Variants in UBE2D1 observed in about 807,000 individuals in gnomAD.
UBE2D1 encodes the protein ubiquitin conjugating enzyme E2 D1.
In UBE2D1, 9 loss-of-function variants were observed where a neutral mutation model predicts 24.6. The ratio of observed to expected loss-of-function variants is 0.37; its 90% CI spans 0.22 to 0.64. The LOEUF (loss-of-function observed/expected upper bound fraction) is 0.64, where lower values mean the gene tolerates loss of function less well. Among genes scored for constraint, UBE2D1 ranks in the 30% least tolerant of loss-of-function variants. UBE2D1 has a pLI of 0.64. For missense variants in UBE2D1, 87 were observed against 177.1 expected, an observed-to-expected ratio of 0.49 and a Z score of 2.89; for synonymous variants, 57 against 57.6, an observed-to-expected ratio of 0.99 and a Z score of 0.04.
intron 1 of UBE2D1, among the ~76,000 whole-genome samples, chr10:58,342,998 T>C (rs1242460193): frequency 7.9e-5 from 12 of 151,852 alleles, no homozygotes; most frequent in African/African-American, 2.9e-4. Flanking sequence ...CCCAGCTAAT[T>C]TTTTGTATTT....
chr10:58,350,594 G>A (rs931920631), intron 1 of UBE2D1, among the ~76,000 whole-genome samples: 1 of 152,066 alleles, frequency 6.6e-6, no homozygotes, highest in South Asian at 2.1e-4. Flanking sequence ...GTGAACAGAT[G>A]TTCTTAATTT....
chr10:58,364,924 A>G, intron 5 of UBE2D1, 48 bp downstream of exon 5: 6 of 1,426,772 alleles, frequency 4.2e-6, no homozygotes, highest in Non-Finnish European at 5.9e-6. Flanking sequence ...GTGAGACAGG[A>G]AAAATACAGC....
chr10:58,352,455 T>TA (rs1026412167), intron 1 of UBE2D1, among the ~76,000 whole-genome samples: 35 of 146,550 alleles, frequency 2.4e-4, no homozygotes, highest in Non-Finnish European at 4.4e-4. Context: ...ACTGGCAAAT[T>TA]AAAAAAAAAA....
chr10:58,356,805 T>C (rs1198868427), intron 1 of UBE2D1, among the ~76,000 whole-genome samples: 1 of 152,184 alleles, frequency 6.6e-6, no homozygotes, highest in Non-Finnish European at 1.5e-5. Flanking sequence ...CGCTCTCTTT[T>C]TTCCTACAAA....
chr10:58,353,175 G>C (rs1840095700), intron 1 of UBE2D1, among the ~76,000 whole-genome samples: 1 of 152,108 alleles, frequency 6.6e-6, no homozygotes, highest in South Asian at 2.1e-4. Flanking sequence ...ATTTTTATTA[G>C]CATCATAATC....
At chr10:58,341,066 G>A (rs917377650) in intron 1 of UBE2D1, among the ~76,000 whole-genome samples, 7 of 152,308 alleles carry the variant, frequency 4.6e-5, no homozygotes, top group Middle Eastern at 3.4e-3. Flanking sequence ...TGCTGAGATC[G>A]TTTAACATTG....
chr10:58,360,234 T>G (rs980358647), intron 1 of UBE2D1, among the ~76,000 whole-genome samples: 1 of 152,220 alleles, frequency 6.6e-6, no homozygotes, highest in African/African-American at 2.4e-5. Context: ...AGATTTCAGC[T>G]TAAATGTCAC....
At chr10:58,352,353 A>G (rs1840085589) in intron 1 of UBE2D1, among the ~76,000 whole-genome samples, 2 of 152,030 alleles carry the variant, frequency 1.3e-5, no homozygotes, top group Admixed American at 6.5e-5. Flanking sequence ...AGCAACACTC[A>G]CTTTGGGGCC....
At position 58,368,994 on chromosome 10, in the gene UBE2D1, T is replaced by C. The variant is rs917111499; in HGVS notation, c.*229T>C. On this transcript the variant is annotated 3_prime_UTR_variant, in exon 7 of 7. Coordinates refer to ENST00000373910, the MANE Select transcript of UBE2D1 (RefSeq NM_003338.5). ...TATGCATTGAGAAAGACATTTATTA[T>C]GGTTTTTAAGATACTTGGACATCTG... The C allele has an allele frequency of 5.9e-5, 18 of 306,060 alleles. No homozygotes were observed. Among genetic ancestry groups the C allele is most frequent in the African/African-American group, 3.4e-4 (16 of 46,506 alleles). The allele number at this position is 306,060 out of a possible 1,614,324, so 19.0% of individuals were successfully genotyped here. A position where few individuals can be genotyped will look rare whatever the true frequency, so the allele number is the denominator to read the frequency against.
chr10:58,347,670 G>A (rs573504041), intron 1 of UBE2D1, among the ~76,000 whole-genome samples: 57 of 139,366 alleles, frequency 4.1e-4, no homozygotes, highest in African/African-American at 1.5e-3. Context: ...GCCCCGAGAC[G>A]GAGTTTTGCT....
chr10:58,358,245 A>G (rs897603044), intron 1 of UBE2D1, among the ~76,000 whole-genome samples: 8 of 152,202 alleles, frequency 5.3e-5, no homozygotes, highest in African/African-American at 1.9e-4. Context: ...CAATTTTTTA[A>G]AACTACAGAG....
chr10:58,335,734 G>A (rs866611878), intron 1 of UBE2D1, among the ~76,000 whole-genome samples: 29 of 152,340 alleles, frequency 1.9e-4, no homozygotes, highest in South Asian at 2.1e-4. Context: ...TCTGCGGTTG[G>A]CTCTTGCTCA....
At chr10:58,344,552 A>C (rs2132317079) in intron 1 of UBE2D1, among the ~76,000 whole-genome samples, 1 of 152,132 alleles carries the variant, frequency 6.6e-6, no homozygotes, top group East Asian at 1.9e-4. Context: ...ACAAACACTG[A>C]GCTTTGGCAC....
intron 1 of UBE2D1, among the ~76,000 whole-genome samples, chr10:58,342,350 T>C (rs1163755988): frequency 2.6e-5 from 4 of 152,314 alleles, no homozygotes; most frequent in Admixed American, 6.5e-5. Context: ...CTGGGTTTTT[T>C]TTCAGACTTA....
intron 4 of UBE2D1, among the ~76,000 whole-genome samples, chr10:58,364,122 C>T (rs568589287): frequency 4.0e-4 from 61 of 151,792 alleles, no homozygotes; most frequent in African/African-American, 1.5e-3. Context: ...GAAGCAGTCC[C>T]TTAATTTAGT....
Position 58,335,013 on chromosome 10 carries a change from C to A in UBE2D1, c.-189C>A, listed in dbSNP as rs1332051277. On this transcript the variant is annotated 5_prime_UTR_variant, in exon 1 of 7. Coordinates refer to ENST00000373910, the MANE Select transcript of UBE2D1 (RefSeq NM_003338.5). ...TCGCCGGCGTCCCCGCCCGCACACT[C>A]GCGCACACTCGCGCTCGGGCGCACA... 3 of 571,232 alleles carry A rather than the reference C, an allele frequency of 5.3e-6. No homozygotes were observed. The African/African-American group carries it at 6.0e-5, about 11-fold the overall frequency. 35.4% of individuals were successfully genotyped at this position (571,232 alleles called of 1,614,324 possible). A position where few individuals can be genotyped will look rare whatever the true frequency, so the allele number is the denominator to read the frequency against.
intron 1 of UBE2D1, among the ~76,000 whole-genome samples, chr10:58,339,561 T>A (rs558097105): frequency 6.6e-6 from 1 of 152,328 alleles, no homozygotes; most frequent in East Asian, 1.9e-4. Flanking sequence ...TAATCGTTAC[T>A]CTGCCTTCTA....
intron 3 of UBE2D1, among the ~76,000 whole-genome samples, chr10:58,362,752 G>C (rs911944772): frequency 1.3e-5 from 2 of 151,892 alleles, no homozygotes; most frequent in Non-Finnish European, 2.9e-5. Flanking sequence ...TATATAGTAA[G>C]AATTATTATA....
At chr10:58,366,783 G>A (rs1296045754) in intron 5 of UBE2D1, among the ~76,000 whole-genome samples, 1 of 151,842 alleles carries the variant, frequency 6.6e-6, no homozygotes, top group Non-Finnish European at 1.5e-5. Context: ...TGCAGTTGCT[G>A]TGTTGCCCAG....
Sources: gnomAD v4.1 joint callset for allele counts (sites outside exome capture counted in the v4.1 genomes callset) on GRCh38, gnomAD v4.1.1 for gene constraint, MANE v1.5 for transcripts, NCBI Gene and HGNC (gene_info 2026-07-23, HGNC 2026-07-21) for gene names.